AZIN2: variants seen among roughly 807,000 people sequenced by gnomAD.
AZIN2 encodes the protein antizyme inhibitor 2, also known as ODC antizyme inhibitor-2.
In AZIN2, 28 loss-of-function variants were observed where a neutral mutation model predicts 47.8. The ratio of observed to expected loss-of-function variants is 0.59; its 90% CI spans 0.43 to 0.80. The LOEUF is 0.80. AZIN2 is among the 30% of genes least tolerant of loss of function. The pLI is 0.00. For missense variants in AZIN2, 535 were observed against 582.5 expected (o/e 0.92, Z 0.84); for synonymous variants, 221 against 239.4 (o/e 0.92, Z 0.71).
At chr1:33,136,141 TCC>T in the AZIN2 span, among the ~76,000 whole-genome samples, 1 of 146,278 alleles carries the variant, frequency 6.8e-6, no homozygotes, top group South Asian at 2.3e-4. Flanking sequence ...CTTCCTTCCT[TCC>T]TTCCTTCCTT....
chr1:33,084,043 C>G lies in AZIN2; in HGVS notation c.195C>G (p.Pro65=), dbSNP rs758684160. 2.5e-6 allele frequency: 4 copies of G among 1,614,144 alleles called. No homozygotes were observed. In the South Asian group the frequency reaches 4.4e-5, roughly 18 times the overall value. The part of the protein sequence containing the change: ...CFLKCLPRVR[P]FYAVKCNSSP... The stretch of plus-strand genomic sequence containing the variant: ...TGAAGTGCCTGCCACGAGTCCGGCC[C>G]TTTTATGCTGTCAAGTGCAACAGCA... The change falls in exon 5 of 12, where the codon CCC becomes CCG. Residue 65 remains proline (P), a synonymous_variant. Transcript: ENST00000294517.
In AZIN2 at chr1:33,082,301, A is replaced by T; in HGVS notation, c.52A>T (p.Ser18Cys). The T allele has an allele frequency of 1.2e-6, 2 of 1,614,118 alleles. No homozygotes were observed. Among genetic ancestry groups the T allele is most frequent in the South Asian group, 2.2e-5 (2 of 91,078 alleles). The change falls in exon 4 of 12, where the codon AGT (serine) becomes TGT (cysteine). Residue 18 changes from serine (S) to cysteine (C), a missense_variant. This residue lies in a region of AZIN2 where 409 missense variants were observed against 429.0 expected (regional missense o/e 0.95). Coordinates refer to ENST00000294517, the MANE Select transcript of AZIN2 (RefSeq NM_052998.4). ...CTTTGTGATGGTGGAGGAGGGCTTC[A>T]GTACCCGAGACCTGCTGAAGGAACT... is the stretch of plus-strand genomic sequence containing the variant. The part of the protein sequence containing the change: ...SDFVMVEEGF[S>C]TRDLLKELTL...
the AZIN2 span, among the ~76,000 whole-genome samples, chr1:33,154,345 G>A: frequency 6.6e-6 from 1 of 152,182 alleles, no homozygotes; most frequent in Non-Finnish European, 1.5e-5. Context: ...GCTGCCACCT[G>A]CTCCATGTCT....
At chr1:33,142,027 A>C in the AZIN2 span, 2 of 152,556 alleles carry the variant, frequency 1.3e-5, no homozygotes, top group South Asian at 2.1e-4. Flanking sequence ...GATTGTGTAG[A>C]ATCTTTGGTG....
At chr1:33,147,405 G>C in the AZIN2 span, 1 of 1,614,136 alleles carries the variant, frequency 6.2e-7, no homozygotes. The surrounding 1 kb of genome is among the most constrained non-coding windows in gnomAD (Gnocchi z 8.1). Flanking sequence ...AGGGCTCCGT[G>C]CAGGCGCTGT....
chr1:33,158,846 CTT>C, the AZIN2 span, among the ~76,000 whole-genome samples: 1 of 145,558 alleles, frequency 6.9e-6, no homozygotes. Context: ...TCTTTTTTTT[CTT>C]TTTTTTTTTG....
intron 11 of AZIN2, 142 bp from the exon 12 acceptor site, chr1:33,119,902 G>T (rs1209805898): frequency 1.8e-6 from 2 of 1,133,600 alleles, no homozygotes; most frequent in African/African-American, 3.1e-5. Context: ...GTTGGGGAGG[G>T]GTCAGCAGCC....
rs199993311 is a variant in AZIN2, at chr1:33,094,723, G to A, written c.753+10G>A. The A allele has an allele frequency of 6.8e-6, 11 of 1,613,838 alleles. No individual in the cohort carries two copies. In the East Asian group the frequency reaches 2.5e-4, roughly 36 times the overall value. On this transcript the variant is annotated intron_variant, in intron 8 of 11. Transcript: ENST00000294517. ...AGTGAGATTTGAAGAGGTAACCCTG[G>A]AGCTGGGAGTGTCATGCTGGGCTCT...
At chr1:33,111,899 G>A (rs543388321) in intron 10 of AZIN2, among the ~76,000 whole-genome samples, 3 of 152,124 alleles carry the variant, frequency 2.0e-5, no homozygotes, top group South Asian at 2.1e-4. Context: ...CACGGCGCCC[G>A]GCCTGAAGAA....
intron 10 of AZIN2, among the ~76,000 whole-genome samples, chr1:33,103,022 G>GT (rs1643823381): frequency 6.6e-6 from 1 of 152,072 alleles, no homozygotes; most frequent in Non-Finnish European, 1.5e-5. Flanking sequence ...ATACATTTTG[G>GT]TTTCAGTGAA....
chr1:33,148,685 C>T, the AZIN2 span, among the ~76,000 whole-genome samples: 3 of 152,282 alleles, frequency 2.0e-5, no homozygotes, highest in South Asian at 4.1e-4. Context: ...TGTACATATA[C>T]ACACACAACA....
chr1:33,143,454 G>A, the AZIN2 span, among the ~76,000 whole-genome samples: 1 of 152,132 alleles, frequency 6.6e-6, no homozygotes, highest in Non-Finnish European at 1.5e-5. Flanking sequence ...TGAGAGGATG[G>A]GGGAGGGCTT....
At chr1:33,101,856 C>CATGTCTCTAG (rs1364356533) in intron 10 of AZIN2, 1 of 779,512 alleles carries the variant, frequency 1.3e-6, no homozygotes, top group Non-Finnish European at 2.4e-6. Context: ...CACCCTGCTA[C>CATGTCTCTAG]ATGTCTCTAG....
At chr1:33,165,116 G>T in the AZIN2 span, 1 of 189,134 alleles carries the variant, frequency 5.3e-6, no homozygotes, top group Non-Finnish European at 1.1e-5. This position sits in a 1 kb window ranked among gnomAD's most constrained non-coding sequence, Gnocchi z 4.0. Context: ...AAGGGGAGAG[G>T]AGAAAGAGAC....
rs1164376904 is a variant in AZIN2 at position 33,120,705 on chromosome 1, C to G, written c.*523C>G. On this transcript the variant is annotated 3_prime_UTR_variant, in exon 12 of 12. Coordinates refer to ENST00000294517, the MANE Select transcript of AZIN2 (RefSeq NM_052998.4). ...GACTCATCTCTCTCCTCCTCATGGG[C>G]CTCCAGGCCTGGTGCCATAAGGAAG... Among the ~76,000 whole-genome samples, 3 of 152,168 alleles carry G rather than the reference C, an allele frequency of 2.0e-5. No individual in the cohort carries two copies. Among genetic ancestry groups the G allele is most frequent in the Non-Finnish European group, 4.4e-5 (3 of 68,034 alleles).
chr1:33,154,939 A>G, the AZIN2 span, among the ~76,000 whole-genome samples: 1 of 150,876 alleles, frequency 6.6e-6, no homozygotes, highest in Non-Finnish European at 1.5e-5. Flanking sequence ...TAAAAATACA[A>G]AAAATTAGCC....
chr1:33,090,286 A>T (rs1399947991), intron 5 of AZIN2, among the ~76,000 whole-genome samples: 1 of 152,220 alleles, frequency 6.6e-6, no homozygotes, highest in Non-Finnish European at 1.5e-5. Context: ...CCCGATGTAA[A>T]CCATCTAATT....
At chr1:33,095,175 C>T (rs563185682) in intron 8 of AZIN2, among the ~76,000 whole-genome samples, 143 of 152,252 alleles carry the variant, frequency 9.4e-4, no homozygotes, top group Middle Eastern at 3.4e-3. Flanking sequence ...CTAGCAGTTC[C>T]CACTCCAACC....
Position 33,092,553 on chromosome 1 carries a change from C to T in AZIN2, c.452+331C>T, listed in dbSNP as rs111642681. 2.6e-5 allele frequency among the ~76,000 whole-genome samples: 4 copies of T among 152,162 alleles called. 1 individual carries two copies. Among genetic ancestry groups the T allele is most frequent in the African/African-American group, 7.2e-5 (3 of 41,506 alleles). ...GCCAAAGTCACAGGCTTGAGAGAGTCGAGGGAGTGGTCAGGAAGGCTCCAC... is the reference window on the plus strand; with the variant it reads ...GCCAAAGTCACAGGCTTGAGAGAGTTGAGGGAGTGGTCAGGAAGGCTCCAC... On this transcript the variant is annotated intron_variant, in intron 6 of 11. Coordinates refer to ENST00000294517, the MANE Select transcript of AZIN2 (RefSeq NM_052998.4).
Sources: gnomAD v4.1 joint callset for allele counts (sites outside exome capture counted in the v4.1 genomes callset) on GRCh38, gnomAD v4.1.1 for gene constraint, gnomAD v4.1.1 regional missense constraint, Gnocchi (gnomAD v3.1) non-coding constraint, MANE v1.5 for transcripts, NCBI Gene and HGNC (gene_info 2026-07-23, HGNC 2026-07-21) for gene names.